ROBO2: variants seen among roughly 807,000 people sequenced by gnomAD.
The protein encoded by ROBO2 is roundabout guidance receptor 2.
A neutral mutation model predicts 160.8 loss-of-function variants in ROBO2; 53 were observed. The observed-to-expected ratio is 0.33, with a 90% CI of 0.26 to 0.41. ROBO2 has a LOEUF of 0.41. Ranked by LOEUF, ROBO2 falls within the 10% of genes least tolerant of loss-of-function variation. The pLI is 1.00. For missense variants in ROBO2, 1,577 were observed against 1,722.4 expected, an observed-to-expected ratio of 0.92 and a Z score of 1.49; for synonymous variants, 664 against 611.7, an observed-to-expected ratio of 1.09 and a Z score of -1.26.
intron 2 of ROBO2, among the ~76,000 whole-genome samples, chr3:77,116,476 C>T (rs1470843095): frequency 6.6e-6 from 1 of 152,126 alleles, no homozygotes. Context: ...TGTCACATGG[C>T]TTGAGAACTG....
intron 2 of ROBO2, among the ~76,000 whole-genome samples, chr3:77,295,528 G>T (rs1231797268): frequency 7.0e-6 from 1 of 142,552 alleles, no homozygotes; most frequent in Non-Finnish European, 1.5e-5. Flanking sequence ...ACGGTTAAAT[G>T]GGTAAGCTGA....
At chr3:77,035,285 C>A (rs999065298), upstream of ROBO2, among the ~76,000 whole-genome samples, 1 of 151,780 alleles carries the variant, frequency 6.6e-6, no homozygotes, top group Non-Finnish European at 1.5e-5. Context: ...CTCTAAGGAA[C>A]CTCTAAGTGA....
At chr3:77,636,820 G>C (rs556891628) in intron 24 of ROBO2, among the ~76,000 whole-genome samples, 8 of 152,092 alleles carry the variant, frequency 5.3e-5, no homozygotes, top group Non-Finnish European at 1.0e-4. Flanking sequence ...ATCCATGTTC[G>C]ATAATGAGTA....
At chr3:76,099,599 T>TA (rs11402274) in intron 2 of ROBO2, among the ~76,000 whole-genome samples, 10,676 of 152,208 alleles carry the variant, frequency 0.07, 945 homozygotes, top group African/African-American at 0.21. Flanking sequence ...TGACTAACAA[T>TA]AAAAAACCTA....
chr3:75,954,676 T>C (rs1474422781), intron 2 of ROBO2, among the ~76,000 whole-genome samples: 1 of 151,956 alleles, frequency 6.6e-6, no homozygotes, highest in Admixed American at 6.6e-5. Context: ...TTGTGTACTG[T>C]ACCTCTGCTT....
At chr3:77,049,919 A>G (rs1200010446) in intron 1 of ROBO2, among the ~76,000 whole-genome samples, 1 of 152,212 alleles carries the variant, frequency 6.6e-6, no homozygotes, top group African/African-American at 2.4e-5. Context: ...GTGTGATTCA[A>G]AAAGGGAGAA....
intron 2 of ROBO2, among the ~76,000 whole-genome samples, chr3:76,051,230 C>G (rs556468032): frequency 2.5e-4 from 37 of 149,790 alleles, no homozygotes; most frequent in African/African-American, 8.9e-4. Context: ...TTCTTCGTGT[C>G]TGTTTTCTAT....
intron 2 of ROBO2, among the ~76,000 whole-genome samples, chr3:76,173,800 C>T (rs919727714): frequency 3.9e-5 from 6 of 152,000 alleles, no homozygotes; most frequent in African/African-American, 7.2e-5. Context: ...TCTTTGCTAT[C>T]GTAAATAGTG....
At chr3:76,349,009 A>G (rs192731658) in intron 2 of ROBO2, among the ~76,000 whole-genome samples, 1 of 152,096 alleles carries the variant, frequency 6.6e-6, no homozygotes, top group African/African-American at 2.4e-5. Context: ...CCAGTTATAC[A>G]TGGCAACTTT....
chr3:76,746,486 C>G (rs1576383837), intron 2 of ROBO2, among the ~76,000 whole-genome samples: 1 of 152,160 alleles, frequency 6.6e-6, no homozygotes, highest in Non-Finnish European at 1.5e-5. Flanking sequence ...CACATCCTCT[C>G]CAGCACCTGT....
intron 2 of ROBO2, among the ~76,000 whole-genome samples, chr3:76,015,105 A>T (rs2066368848): frequency 6.6e-6 from 1 of 152,166 alleles, no homozygotes; most frequent in Non-Finnish European, 1.5e-5. Context: ...TGGCTTTAAA[A>T]GTTTATATTA....
At chr3:76,286,576 A>T (rs1708516841) in intron 2 of ROBO2, among the ~76,000 whole-genome samples, 1 of 152,198 alleles carries the variant, frequency 6.6e-6, no homozygotes, top group Non-Finnish European at 1.5e-5. Context: ...TGAGAAATCC[A>T]TTAGAGGAGA....
chr3:76,507,457 A>G (rs2080854787), intron 2 of ROBO2, among the ~76,000 whole-genome samples: 8 of 152,098 alleles, frequency 5.3e-5, no homozygotes, highest in Admixed American at 5.2e-4. Context: ...TTCAAAGAAG[A>G]GTCTGGTGTT....
chr3:76,283,134 C>A (rs1559717223), intron 2 of ROBO2, among the ~76,000 whole-genome samples: 71 of 7,100 alleles, frequency 0.01, no homozygotes, highest in East Asian at 0.027. Context: ...ATATATAAAA[C>A]TGTATATATA....
At chr3:77,513,981 G>A (rs1434077849) in intron 5 of ROBO2, among the ~76,000 whole-genome samples, 1 of 151,756 alleles carries the variant, frequency 6.6e-6, no homozygotes, top group South Asian at 2.1e-4. Context: ...TCAAAGACTA[G>A]CAGATTTCAA....
At chr3:77,355,186 C>CATACCTTTATGATCAA (rs2068923086) in intron 2 of ROBO2, among the ~76,000 whole-genome samples, 1 of 151,806 alleles carries the variant, frequency 6.6e-6, no homozygotes, top group Non-Finnish European at 1.5e-5. Context: ...CATCCCCTTA[C>CATACCTTTATGATCAA]CCCAGGAGCT....
chr3:76,589,859 A>G (rs570620570), intron 2 of ROBO2, among the ~76,000 whole-genome samples: 2 of 152,274 alleles, frequency 1.3e-5, no homozygotes, highest in Admixed American at 1.3e-4. Flanking sequence ...CACAATGACA[A>G]CCCACATCTA....
intron 2 of ROBO2, among the ~76,000 whole-genome samples, chr3:77,243,444 C>T (rs1422073948): frequency 2.6e-5 from 4 of 152,128 alleles, no homozygotes; most frequent in African/African-American, 7.2e-5. Flanking sequence ...AGGGAGGAGT[C>T]CTTACCAGGA....
At chr3:76,603,351 A>ATT (rs1433390522) in intron 2 of ROBO2, among the ~76,000 whole-genome samples, 1 of 26,406 alleles carries the variant, frequency 3.8e-5, no homozygotes, top group African/African-American at 2.4e-4. Context: ...AAAAAAAAAA[A>ATT]ATATATATAT....
Sources: gnomAD v4.1 joint callset for allele counts (sites outside exome capture counted in the v4.1 genomes callset) on GRCh38, gnomAD v4.1.1 for gene constraint, MANE v1.5 for transcripts, NCBI Gene and HGNC (gene_info 2026-07-23, HGNC 2026-07-21) for gene names.